NPRL3: variants seen among roughly 807,000 people sequenced by gnomAD.
NPRL3 encodes GATOR1 complex protein NPRL3.
A neutral mutation model predicts 57.2 loss-of-function variants in NPRL3; 23 were observed. The observed-to-expected ratio is 0.40, with a 90% CI of 0.29 to 0.57. The LOEUF (loss-of-function observed/expected upper bound fraction) is 0.57, where lower values mean the gene tolerates loss of function less well. Ranked by LOEUF, NPRL3 falls within the 20% of genes least tolerant of loss-of-function variation. The probability of loss-of-function intolerance (pLI) is 0.42; values close to 1 mark genes in which losing one functional copy is unlikely to be tolerated. For synonymous variants in NPRL3, 333 were observed against 321.1 expected, an observed-to-expected ratio of 1.04 and a Z score of -0.39; for missense variants, 691 against 767.1, an observed-to-expected ratio of 0.90 and a Z score of 1.17.
chr16:110,893 T>C (rs1899777073), intron 6 of NPRL3, among the ~76,000 whole-genome samples: 1 of 152,134 alleles, frequency 6.6e-6, no homozygotes, highest in African/African-American at 2.4e-5. Flanking sequence ...ATTACAGGTG[T>C]GAGCTACCAC....
chr16:86,822 G>A lies in NPRL3; in HGVS notation c.1593C>T (p.Tyr531=), dbSNP rs200669192. 178 of 1,613,354 alleles carry A rather than the reference G, an allele frequency of 1.1e-4. 1 individual carries two copies. Among genetic ancestry groups the A allele is most frequent in the Admixed American group, 4.2e-4 (25 of 59,954 alleles). The change falls in exon 14 of 14, where the codon TAC becomes TAT. Residue 531 remains tyrosine (Y), a synonymous_variant. Coordinates refer to ENST00000611875, the MANE Select transcript of NPRL3 (RefSeq NM_001077350.3). ...GCTGGGAGCGCCGCGTGTTCTCGTT[G>A]TACATAATCTCCTCCAGGTGGTGGC... ...RGRHHLEEIM[Y]NENTRRSQLL... is the part of the protein sequence containing the mutation.
Position 120,943 on chromosome 16 carries a change from C to T in NPRL3, c.189-1688G>A, listed in dbSNP as rs184280508. On this transcript the variant is annotated intron_variant, in intron 3 of 13. Transcript: ENST00000611875. ...GCTCTAGCAACTGACCCAGGGCCAA[C>T]GCCTCACATCCTATCTAAACAGTGC... Among the ~76,000 whole-genome samples, 23 of 152,316 alleles carry T rather than the reference C, an allele frequency of 1.5e-4. No individual in the cohort carries two copies. The East Asian group carries it at 1.7e-3, about 11-fold the overall frequency.
chr16:105,341 A>G (rs1485430426), intron 7 of NPRL3, among the ~76,000 whole-genome samples: 3 of 152,238 alleles, frequency 2.0e-5, no homozygotes, highest in Non-Finnish European at 4.4e-5. Flanking sequence ...CTGTGAAGCT[A>G]TCCTGCAAAC....
At chr16:131,762 A>G (rs1165964125) in intron 2 of NPRL3, among the ~76,000 whole-genome samples, 3 of 152,054 alleles carry the variant, frequency 2.0e-5, no homozygotes, top group Non-Finnish European at 2.9e-5. Context: ...TAAGACAACA[A>G]TGACCTCTGC....
At chr16:89,684 C>G in intron 12 of NPRL3, 29 bp downstream of exon 12, 1 of 1,511,090 alleles carries the variant, frequency 6.6e-7, no homozygotes, top group Non-Finnish European at 8.8e-7. Flanking sequence ...TCTCCCCTGA[C>G]TACCACAGCG....
rs2141902098 is a variant in NPRL3, at chr16:89,760, C to T, written c.1304G>A (p.Gly435Asp). The change falls in exon 12 of 14, where the codon GGC becomes GAC. Residue 435 changes from glycine (G) to aspartate (D), a missense_variant. Gly to Asp is a moderately conservative substitution (Grantham distance 94). Coordinates refer to ENST00000611875, the MANE Select transcript of NPRL3 (RefSeq NM_001077350.3). Reference sequence around the variant, plus strand: ...GTTGGGCGTGCTGAGGCTGCGACCGCCGACCCGGGCAGTGAAGGGGACGTC... The same window carrying T: ...GTTGGGCGTGCTGAGGCTGCGACCGTCGACCCGGGCAGTGAAGGGGACGTC... ...EDDVPFTARV[G>D]GRSLSTPNAL... 3 of 1,596,752 alleles carry T rather than the reference C, an allele frequency of 1.9e-6. No homozygotes were observed. The highest frequency in any genetic ancestry group is 1.7e-4 in the Middle Eastern group (1 of 5,912).
rs1446089794 is a variant in NPRL3, at chr16:134,736, C to G, written c.118+3414G>C. On this transcript the variant is annotated intron_variant, in intron 2 of 13. Coordinates refer to ENST00000611875, the MANE Select transcript of NPRL3 (RefSeq NM_001077350.3). ...TTTTTTTTTGAGACGGAGTCTCGCTCTGTCGCCCAGGCTGGAGTGCAGTGG... is the reference window on the plus strand; with the variant it reads ...TTTTTTTTTGAGACGGAGTCTCGCTGTGTCGCCCAGGCTGGAGTGCAGTGG... Among the ~76,000 whole-genome samples the G allele has an allele frequency of 4.0e-5, 5 of 126,206 alleles. 1 individual carries two copies. The highest frequency in any genetic ancestry group is 3.0e-4 in the Admixed American group (3 of 10,060). The allele number at this position is 126,206 out of a possible 152,430, so 82.8% of individuals were successfully genotyped here. A position where few individuals can be genotyped will look rare whatever the true frequency, so the allele number is the denominator to read the frequency against.
intron 3 of NPRL3, among the ~76,000 whole-genome samples, chr16:120,328 A>C (rs1389541871): frequency 2.0e-5 from 3 of 152,162 alleles, no homozygotes; most frequent in African/African-American, 7.2e-5. Context: ...CTGAGGACAG[A>C]CATTCTAGGG....
At chr16:129,399 G>A (rs1900689706) in intron 3 of NPRL3, among the ~76,000 whole-genome samples, 1 of 152,204 alleles carries the variant, frequency 6.6e-6, no homozygotes, top group African/African-American at 2.4e-5. Context: ...TCAAAATGAC[G>A]GTCCAATGGG....
At chr16:123,123 C>G (rs1458492964) in intron 3 of NPRL3, among the ~76,000 whole-genome samples, 1 of 152,160 alleles carries the variant, frequency 6.6e-6, no homozygotes, top group East Asian at 1.9e-4. Flanking sequence ...GAGCAACAGT[C>G]ACAGGTCTCT....
Position 119,592 on chromosome 16 carries a change from T to G in NPRL3, c.189-337A>C, listed in dbSNP as rs1321232622. ...TGGAGCCGGCACTGCCCTGCGGAGC[T>G]GCTCTTTAAAGTTCACAGGCAGAGG... On this transcript the variant is annotated intron_variant, in intron 3 of 13. Transcript: ENST00000611875. Among the ~76,000 whole-genome samples, 5 of 152,364 alleles carry G rather than the reference T, an allele frequency of 3.3e-5. No homozygotes were observed. The East Asian group carries it at 5.8e-4, about 18-fold the overall frequency.
Position 88,826 on chromosome 16 carries a change from G to A in NPRL3, c.1416C>T (p.Pro472=), listed in dbSNP as rs1898624079. The A allele has an allele frequency of 1.9e-6, 3 of 1,613,858 alleles. No homozygotes were observed. In the East Asian group the frequency reaches 6.7e-5, roughly 36 times the overall value. ...SMDNSSAELL[P]SGDSPLNQRM... is the part of the protein sequence containing the mutation. Reference sequence around the variant, plus strand: ...TCTGGTTCAGTGGCGAGTCCCCGCTGGGAAGTAGCTCTGCGCTGGAGTTGT... The same window carrying A: ...TCTGGTTCAGTGGCGAGTCCCCGCTAGGAAGTAGCTCTGCGCTGGAGTTGT... The change falls in exon 13 of 14, where the codon CCC becomes CCT. Residue 472 remains proline (P), a synonymous_variant. Coordinates refer to ENST00000611875, the MANE Select transcript of NPRL3 (RefSeq NM_001077350.3).
At chr16:106,435 T>A (rs987532378) in intron 7 of NPRL3, among the ~76,000 whole-genome samples, 4 of 151,922 alleles carry the variant, frequency 2.6e-5, no homozygotes, top group Admixed American at 6.6e-5. Context: ...GAATTCAAGA[T>A]CAGCCAGGGT....
At chr16:113,848 T>A (rs1442841060) in intron 5 of NPRL3, among the ~76,000 whole-genome samples, 3 of 152,022 alleles carry the variant, frequency 2.0e-5, no homozygotes, top group Non-Finnish European at 4.4e-5. Flanking sequence ...CTGAAGAAAT[T>A]CTCTATATTC....
At chr16:128,931 A>G (rs1037315769) in intron 3 of NPRL3, among the ~76,000 whole-genome samples, 1 of 152,260 alleles carries the variant, frequency 6.6e-6, no homozygotes, top group African/African-American at 2.4e-5. Context: ...TGAACCCTGT[A>G]TCTGGAAAAC....
chr16:138,090 G>C (rs7359424), intron 2 of NPRL3, 60 bp downstream of exon 2: 3 of 1,360,948 alleles, frequency 2.2e-6, no homozygotes, highest in African/African-American at 1.4e-5. Context: ...CCTGGAATGA[G>C]GCGACCCCGG....
intron 9 of NPRL3, among the ~76,000 whole-genome samples, chr16:97,913 GA>G (rs1899090570): frequency 6.6e-6 from 1 of 152,136 alleles, no homozygotes; most frequent in Non-Finnish European, 1.5e-5. Flanking sequence ...ACCTCTCTGA[GA>G]CAGAAGAACA....
chr16:97,448 G>A (rs985382076), intron 9 of NPRL3, among the ~76,000 whole-genome samples: 4 of 136,186 alleles, frequency 2.9e-5, no homozygotes, highest in Admixed American at 8.3e-5. Context: ...TTGTAGAGAC[G>A]GGGTTTTGCC....
chr16:131,429 A>G (rs1013616198), intron 2 of NPRL3, among the ~76,000 whole-genome samples: 1 of 138,062 alleles, frequency 7.2e-6, no homozygotes, highest in Admixed American at 7.1e-5. Flanking sequence ...CAGTGAGCCA[A>G]GATCGCGCCA....
Sources: allele counts gnomAD v4.1 joint callset (sites outside exome capture counted in the v4.1 genomes callset), GRCh38; gene constraint gnomAD v4.1.1; transcripts MANE v1.5; gene names NCBI Gene and HGNC (gene_info 2026-07-23, HGNC 2026-07-21).